NCOA7: variants seen among roughly 807,000 people sequenced by gnomAD.
NCOA7 encodes the protein 140 kDa estrogen receptor-associated protein.
A neutral mutation model predicts 104.3 loss-of-function variants in NCOA7; 45 were observed. That is an observed-to-expected ratio of 0.43 (90% CI 0.34 to 0.55). NCOA7 has a LOEUF of 0.55. Ranked by LOEUF, NCOA7 falls within the 20% of genes least tolerant of loss-of-function variation. NCOA7 has a pLI of 0.02. For synonymous variants in NCOA7, 398 were observed against 402.3 expected (o/e 0.99, Z 0.13); for missense variants, 1,041 against 1,119.7 (o/e 0.93, Z 1.00).
At chr6:125,810,942 C>A (rs887903285) in intron 1 of NCOA7, among the ~76,000 whole-genome samples, 3 of 152,284 alleles carry the variant, frequency 2.0e-5, no homozygotes, top group Middle Eastern at 3.4e-3. Context: ...ATCTTTTTCT[C>A]TTGTGCATAT....
In NCOA7 at chr6:125,874,923, G is replaced by A; in HGVS notation, c.306G>A (p.Glu102=). The A allele has an allele frequency of 6.2e-7, 1 of 1,613,566 alleles. No individual in the cohort carries two copies. Among genetic ancestry groups the A allele is most frequent in the South Asian group, 1.1e-5 (1 of 91,062 alleles). The change falls in exon 4 of 16, where the codon GAG becomes GAA. Residue 102 remains glutamate, a synonymous_variant. Transcript: ENST00000392477. ...AAAACAAAACACATGATAAAAAAGA[G>A]AAGAAGATGGTGGTTCAGAAGCCCC... is the stretch of plus-strand genomic sequence containing the variant. The part of the protein sequence containing the change: ...DNQNKTHDKK[E]KKMVVQKPHG...
chr6:125,826,799 T>C (rs1778696285), intron 2 of NCOA7, among the ~76,000 whole-genome samples: 1 of 152,178 alleles, frequency 6.6e-6, no homozygotes, highest in Non-Finnish European at 1.5e-5. Context: ...AGAAATTTAT[T>C]TGGCTCACAG....
intron 10 of NCOA7, among the ~76,000 whole-genome samples, chr6:125,901,926 C>T (rs1404792965): frequency 6.6e-6 from 1 of 152,090 alleles, no homozygotes; most frequent in African/African-American, 2.4e-5. Flanking sequence ...TGAACTCCTC[C>T]GACCGTCCCC....
intron 2 of NCOA7, among the ~76,000 whole-genome samples, chr6:125,819,402 G>C (rs993548335): frequency 2.6e-5 from 4 of 151,730 alleles, no homozygotes; most frequent in Non-Finnish European, 4.4e-5. Flanking sequence ...ACTGCTACTA[G>C]ATAGAGTAAT....
Position 125,929,245 on chromosome 6 carries a change from T to G in NCOA7, c.*474T>G, listed in dbSNP as rs545647945. 1 of 144,400 alleles carries G rather than the reference T, an allele frequency of 6.9e-6. No homozygotes were observed. Among genetic ancestry groups the G allele is most frequent in the Non-Finnish European group, 1.5e-5 (1 of 66,438 alleles). 8.9% of individuals were successfully genotyped at this position (144,400 alleles called of 1,614,324 possible). A position where few individuals can be genotyped will look rare whatever the true frequency, so the allele number is the denominator to read the frequency against. On this transcript the variant is annotated 3_prime_UTR_variant, in exon 16 of 16. Transcript: ENST00000392477. ...CTTAAAGGGAATATATGAGGTTTTT[T>G]TTTTTTTAAAAAAAAACTTTTATTT...
chr6:125,871,877 G>C (rs902753846), intron 3 of NCOA7, among the ~76,000 whole-genome samples: 1 of 151,966 alleles, frequency 6.6e-6, no homozygotes, highest in South Asian at 2.1e-4. Context: ...TGAGCCCGTA[G>C]TCCCAGCTAT....
intron 2 of NCOA7, among the ~76,000 whole-genome samples, chr6:125,826,338 A>AG (rs1778656129): frequency 1.3e-5 from 1 of 76,768 alleles, no homozygotes; most frequent in Non-Finnish European, 3.2e-5. Flanking sequence ...CTCTAAAAGA[A>AG]AAAAAAAAAA....
intron 3 of NCOA7, 177 bp downstream of exon 3, chr6:125,855,417 T>C (rs1343157481): frequency 1.8e-6 from 1 of 545,700 alleles, no homozygotes; most frequent in Admixed American, 3.3e-5. Flanking sequence ...ACTAAAATAA[T>C]GTCTCATTTA....
intron 10 of NCOA7, among the ~76,000 whole-genome samples, chr6:125,908,164 C>A (rs577763064): frequency 2.0e-5 from 3 of 152,184 alleles, no homozygotes; most frequent in Non-Finnish European, 2.9e-5. Flanking sequence ...CCTGGTCACC[C>A]CAGATTCCTG....
intron 1 of NCOA7, among the ~76,000 whole-genome samples, chr6:125,783,023 G>C (rs1173030621): frequency 6.6e-6 from 1 of 152,172 alleles, no homozygotes; most frequent in Non-Finnish European, 1.5e-5. Context: ...TGCTGCCTTT[G>C]AAAAGGGAGG....
At chr6:125,877,924 T>C (rs915165124) in intron 4 of NCOA7, among the ~76,000 whole-genome samples, 1 of 152,006 alleles carries the variant, frequency 6.6e-6, no homozygotes, top group Non-Finnish European at 1.5e-5. Flanking sequence ...CCCCTGAGGG[T>C]GGGGACTCTG....
At chr6:125,868,561 C>T (rs1178561194) in intron 3 of NCOA7, among the ~76,000 whole-genome samples, 2 of 152,202 alleles carry the variant, frequency 1.3e-5, no homozygotes, top group East Asian at 1.9e-4. Flanking sequence ...GACCCCTAAA[C>T]CAACCTGTGA....
intron 3 of NCOA7, among the ~76,000 whole-genome samples, chr6:125,857,524 G>A (rs997923628): frequency 6.6e-6 from 1 of 151,242 alleles, no homozygotes; most frequent in Non-Finnish European, 1.5e-5. Flanking sequence ...TTCCGGCCTC[G>A]AAGTCCGACC....
At chr6:125,927,813 G>A in intron 14 of NCOA7, 55 bp downstream of exon 14, 1 of 1,401,958 alleles carries the variant, frequency 7.1e-7, no homozygotes, top group Non-Finnish European at 1.0e-6. Flanking sequence ...CCTCAGTTGG[G>A]GAAGGGGATA....
chr6:125,914,764 A>G (rs757026706), intron 10 of NCOA7, among the ~76,000 whole-genome samples: 10 of 152,328 alleles, frequency 6.6e-5, no homozygotes, highest in Non-Finnish European at 1.3e-4. Context: ...CATTCAGTAA[A>G]TGTGTATAAG....
intron 13 of NCOA7, among the ~76,000 whole-genome samples, chr6:125,924,805 T>G (rs1349917728): frequency 3.9e-5 from 6 of 152,192 alleles, no homozygotes; most frequent in Admixed American, 3.9e-4. Context: ...TCTGGGCATG[T>G]ATGGCCAAGA....
upstream of NCOA7, among the ~76,000 whole-genome samples, chr6:125,789,329 TA>T (rs1232510805): frequency 2.6e-5 from 4 of 152,218 alleles, no homozygotes; most frequent in African/African-American, 9.7e-5. Flanking sequence ...TCAATTTGCT[TA>T]AAAGAACTAT....
At chr6:125,853,738 G>A (rs191916292) in intron 2 of NCOA7, among the ~76,000 whole-genome samples, 1 of 152,248 alleles carries the variant, frequency 6.6e-6, no homozygotes, top group Non-Finnish European at 1.5e-5. Context: ...TGTGTTATAT[G>A]TTGACATGTA....
At chr6:125,820,150 G>A (rs1365279064) in intron 2 of NCOA7, among the ~76,000 whole-genome samples, 1 of 152,194 alleles carries the variant, frequency 6.6e-6, no homozygotes, top group Non-Finnish European at 1.5e-5. Context: ...CAGAGCAGCA[G>A]TAGGAGCCAG....
Sources: gnomAD v4.1 joint callset for allele counts (sites outside exome capture counted in the v4.1 genomes callset) on GRCh38, gnomAD v4.1.1 for gene constraint, MANE v1.5 for transcripts, NCBI Gene and HGNC (gene_info 2026-07-23, HGNC 2026-07-21) for gene names.